TAFA2: variants seen among roughly 807,000 people sequenced by gnomAD.
TAFA2 encodes the protein TAFA chemokine like family member 2.
A neutral mutation model predicts 18.8 loss-of-function variants in TAFA2; 7 were observed. The observed-to-expected ratio is 0.37, with a 90% CI of 0.21 to 0.70. TAFA2 has a LOEUF of 0.70. Ranked by LOEUF, TAFA2 falls within the 30% of genes least tolerant of loss-of-function variation. The probability of loss-of-function intolerance (pLI) is 0.53; values close to 1 mark genes in which losing one functional copy is unlikely to be tolerated. For synonymous variants in TAFA2, 60 were observed against 54.2 expected, an observed-to-expected ratio of 1.11 and a Z score of -0.47; for missense variants, 122 against 158.1, an observed-to-expected ratio of 0.77 and a Z score of 1.23.
chr12:62,170,004 C>T (rs1454637491), intron 1 of TAFA2, among the ~76,000 whole-genome samples: 2 of 151,912 alleles, frequency 1.3e-5, no homozygotes, highest in Non-Finnish European at 2.9e-5. Flanking sequence ...AAGCACATAT[C>T]GAAAAACCAA....
At chr12:62,247,462 T>C (rs1429750900) in intron 1 of TAFA2, among the ~76,000 whole-genome samples, 1 of 152,226 alleles carries the variant, frequency 6.6e-6, no homozygotes, top group Non-Finnish European at 1.5e-5. Context: ...ATTTGCCTTG[T>C]TCTTTCTTGT....
intron 1 of TAFA2, among the ~76,000 whole-genome samples, chr12:62,198,863 A>G (rs2062659733): frequency 1.3e-5 from 2 of 152,208 alleles, no homozygotes; most frequent in Non-Finnish European, 2.9e-5. Flanking sequence ...GAAACCAAAC[A>G]GGCCAACTGA....
At chr12:61,756,799 G>T (rs1468244539) in intron 2 of TAFA2, among the ~76,000 whole-genome samples, 1 of 152,022 alleles carries the variant, frequency 6.6e-6, no homozygotes, top group Non-Finnish European at 1.5e-5. Flanking sequence ...GAGATAATCC[G>T]AATCATGAGC....
At chr12:62,081,252 C>T (rs1868318853) in intron 1 of TAFA2, among the ~76,000 whole-genome samples, 1 of 152,052 alleles carries the variant, frequency 6.6e-6, no homozygotes, top group African/African-American at 2.4e-5. Flanking sequence ...AAAATATTTG[C>T]AATTATTTAA....
At chr12:61,786,428 C>T (rs1011903040) in intron 2 of TAFA2, among the ~76,000 whole-genome samples, 3 of 151,440 alleles carry the variant, frequency 2.0e-5, no homozygotes, top group African/African-American at 7.3e-5. Context: ...AGTCTGTCAT[C>T]CACTCAAAAA....
intron 1 of TAFA2, among the ~76,000 whole-genome samples, chr12:61,958,270 C>G (rs973188453): frequency 6.6e-6 from 1 of 152,016 alleles, no homozygotes; most frequent in Admixed American, 6.6e-5. Context: ...GCCTAGTATT[C>G]CAAAGTATGG....
intron 1 of TAFA2, among the ~76,000 whole-genome samples, chr12:62,005,030 G>T (rs1445968314): frequency 1.3e-5 from 2 of 152,022 alleles, no homozygotes; most frequent in Non-Finnish European, 2.9e-5. Flanking sequence ...GGGGTGAGGG[G>T]GGTAAACTAC....
chr12:62,211,468 T>C (rs1275058591), intron 1 of TAFA2, among the ~76,000 whole-genome samples: 1 of 151,738 alleles, frequency 6.6e-6, no homozygotes, highest in East Asian at 1.9e-4. Flanking sequence ...TAATCCCAGC[T>C]ACTCGGGAGG....
intron 4 of TAFA2, among the ~76,000 whole-genome samples, chr12:61,716,636 T>TA (rs989121285): frequency 1.3e-5 from 2 of 152,228 alleles, no homozygotes; most frequent in African/African-American, 2.4e-5. Context: ...GAGGAACTAT[T>TA]AAACAATATT....
intron 1 of TAFA2, among the ~76,000 whole-genome samples, chr12:62,080,909 C>T (rs1019595981): frequency 6.6e-6 from 1 of 152,028 alleles, no homozygotes; most frequent in African/African-American, 2.4e-5. Flanking sequence ...TAAAACATTC[C>T]CCTGGCCAGG....
intron 1 of TAFA2, among the ~76,000 whole-genome samples, chr12:61,943,328 G>A (rs1476098220): frequency 1.1e-3 from 158 of 150,272 alleles, no homozygotes; most frequent in Admixed American, 2.4e-3. Context: ...AGGAACAACC[G>A]GTACCAGCCG....
chr12:62,237,565 T>C (rs2136987793), intron 1 of TAFA2, among the ~76,000 whole-genome samples: 1 of 152,366 alleles, frequency 6.6e-6, no homozygotes, highest in South Asian at 2.1e-4. Context: ...CATTTGGAGA[T>C]GTCATGATTC....
At chr12:61,939,670 A>C (rs1177341579) in intron 1 of TAFA2, among the ~76,000 whole-genome samples, 2 of 152,234 alleles carry the variant, frequency 1.3e-5, no homozygotes. Context: ...GATACACATA[A>C]AATATGTAAT....
At chr12:61,728,216 G>A (rs1264518431) in intron 4 of TAFA2, among the ~76,000 whole-genome samples, 3 of 152,000 alleles carry the variant, frequency 2.0e-5, no homozygotes, top group Non-Finnish European at 2.9e-5. Flanking sequence ...TGGATAGAAT[G>A]TTCTGTAAAT....
chr12:61,750,305 T>A (rs571458214), intron 4 of TAFA2, among the ~76,000 whole-genome samples: 1 of 152,252 alleles, frequency 6.6e-6, no homozygotes, highest in Admixed American at 6.5e-5. Flanking sequence ...CGGTTATAGA[T>A]GTCACAGAAA....
At chr12:62,182,583 C>G (rs1221654555) in intron 1 of TAFA2, among the ~76,000 whole-genome samples, 3 of 152,158 alleles carry the variant, frequency 2.0e-5, no homozygotes, top group Admixed American at 6.5e-5. Flanking sequence ...AGCAAAATTT[C>G]CCTGGTAATT....
At chr12:62,021,810 C>T (rs530659335) in intron 1 of TAFA2, 34 of 871,526 alleles carry the variant, frequency 3.9e-5, no homozygotes, top group African/African-American at 2.3e-4. Flanking sequence ...ATAGTTAACA[C>T]GGTCTCCGCT....
chr12:62,059,417 A>C (rs1882286028), intron 1 of TAFA2, among the ~76,000 whole-genome samples: 1 of 152,196 alleles, frequency 6.6e-6, no homozygotes, highest in Non-Finnish European at 1.5e-5. Flanking sequence ...CATGAAGAAC[A>C]GTCTATTGAG....
intron 1 of TAFA2, among the ~76,000 whole-genome samples, chr12:62,125,777 C>T (rs1186123352): frequency 6.6e-6 from 1 of 152,070 alleles, no homozygotes; most frequent in African/African-American, 2.4e-5. Flanking sequence ...CCACCACTGA[C>T]CACCTGTATG....
Sources: gnomAD v4.1 joint callset for allele counts (sites outside exome capture counted in the v4.1 genomes callset) on GRCh38, gnomAD v4.1.1 for gene constraint, MANE v1.5 for transcripts, NCBI Gene and HGNC (gene_info 2026-07-23, HGNC 2026-07-21) for gene names.